RBFOX1: variants seen among roughly 807,000 people sequenced by gnomAD.
RBFOX1 encodes RNA binding protein fox-1 homolog 1.
Under a neutral mutation model 57.7 loss-of-function variants are expected in RBFOX1, and 8 were observed. That is an observed-to-expected ratio of 0.14 (90% CI 0.08 to 0.25). The LOEUF (loss-of-function observed/expected upper bound fraction) is 0.25, where lower values mean the gene tolerates loss of function less well. Ranked by LOEUF, RBFOX1 falls within the 10% of genes least tolerant of loss-of-function variation. The pLI, the probability that RBFOX1 is intolerant of heterozygous loss-of-function variation, is 1.00. For synonymous variants in RBFOX1, 326 were observed against 222.4 expected (o/e 1.47, Z -4.15); for missense variants, 611 against 548.5 (o/e 1.11, Z -1.14).
chr16:7,420,717 A>G (rs2098532656), intron 4 of RBFOX1, among the ~76,000 whole-genome samples: 1 of 151,594 alleles, frequency 6.6e-6, no homozygotes, highest in Non-Finnish European at 1.5e-5. Flanking sequence ...GGGGTCATGT[A>G]CAAATGTATG....
chr16:7,030,483 C>T (rs1263941871), intron 3 of RBFOX1, among the ~76,000 whole-genome samples: 1 of 152,116 alleles, frequency 6.6e-6, no homozygotes, highest in Non-Finnish European at 1.5e-5. Flanking sequence ...TCCTTCCTTC[C>T]TTCTCCCACC....
chr16:6,767,697 C>T (rs986732188), intron 3 of RBFOX1, among the ~76,000 whole-genome samples: 1 of 151,840 alleles, frequency 6.6e-6, no homozygotes, highest in Non-Finnish European at 1.5e-5. Flanking sequence ...GGGCAGATCA[C>T]GAGATCAGGA....
intron 2 of RBFOX1, among the ~76,000 whole-genome samples, chr16:6,421,724 G>A (rs900983885): frequency 2.0e-5 from 3 of 152,070 alleles, no homozygotes; most frequent in Admixed American, 6.6e-5. Flanking sequence ...ACTAATCATC[G>A]TGAAGGGGCT....
At chr16:6,793,051 G>A (rs888678212) in intron 3 of RBFOX1, among the ~76,000 whole-genome samples, 1 of 151,132 alleles carries the variant, frequency 6.6e-6, no homozygotes, top group Admixed American at 6.6e-5. Flanking sequence ...AAATAGAAGC[G>A]ATAATGCTGT....
intron 1 of RBFOX1, among the ~76,000 whole-genome samples, chr16:6,183,861 A>AG (rs2097086792): frequency 6.6e-6 from 1 of 152,176 alleles, no homozygotes. Flanking sequence ...TGAAGGTCAT[A>AG]GTATGGACCT....
chr16:5,953,994 C>T (rs2059573229), intron 4 of RBFOX1, among the ~76,000 whole-genome samples: 1 of 152,122 alleles, frequency 6.6e-6, no homozygotes, highest in East Asian at 1.9e-4. Context: ...TGTCTGGAGA[C>T]ACCTTGGCTT....
intron 4 of RBFOX1, among the ~76,000 whole-genome samples, chr16:7,218,079 CTGTGTG>C (rs146860986): frequency 6.7e-6 from 1 of 149,772 alleles, no homozygotes; most frequent in Non-Finnish European, 1.5e-5. Context: ...GTGTGTGCGT[CTGTGTG>C]TGTGTGTGTG....
chr16:5,664,082 C>T (rs924487184), intron 3 of RBFOX1, among the ~76,000 whole-genome samples: 3 of 152,214 alleles, frequency 2.0e-5, no homozygotes, highest in Admixed American at 1.3e-4. Flanking sequence ...CCACCCTTCT[C>T]GGCAGCTGCC....
chr16:6,462,814 C>T (rs928376704), intron 2 of RBFOX1, among the ~76,000 whole-genome samples: 3 of 151,632 alleles, frequency 2.0e-5, no homozygotes, highest in African/African-American at 4.8e-5. Context: ...ATACACATGG[C>T]ACATTGTTGC....
intron 5 of RBFOX1, among the ~76,000 whole-genome samples, chr16:7,566,092 A>T (rs982054736): frequency 6.6e-6 from 1 of 152,172 alleles, no homozygotes; most frequent in Non-Finnish European, 1.5e-5. Flanking sequence ...TATTCTAGGA[A>T]GCATTTGATA....
At position 7,188,818 on chromosome 16, in the gene RBFOX1, A is replaced by G. The variant is rs1286608017; in HGVS notation, c.27+136720A>G. On this transcript the variant is annotated intron_variant, in intron 4 of 15. Coordinates refer to ENST00000550418, the MANE Select transcript of RBFOX1 (RefSeq NM_018723.4). ...TGCTACGAAGGAACCAAAGAATGAC[A>G]TTGAGTTGGCTGTTAAAAATGCAAA... 5.3e-5 allele frequency among the ~76,000 whole-genome samples: 8 copies of G among 152,204 alleles called. 1 individual carries two copies. The highest frequency in any genetic ancestry group is 1.4e-4 in the African/African-American group (6 of 41,448).
intron 2 of RBFOX1, among the ~76,000 whole-genome samples, chr16:6,542,634 C>G (rs762420209): frequency 4.5e-4 from 69 of 151,770 alleles, no homozygotes; most frequent in Admixed American, 9.2e-4. Flanking sequence ...GGACCACAGG[C>G]GCCCGCCACC....
intron 3 of RBFOX1, among the ~76,000 whole-genome samples, chr16:7,046,686 A>C (rs1166041533): frequency 1.4e-5 from 2 of 140,842 alleles, no homozygotes; most frequent in Non-Finnish European, 3.0e-5. Context: ...GCTCACTGCA[A>C]CCTCCGTCTC....
At chr16:6,260,242 A>G (rs761799651) in intron 1 of RBFOX1, among the ~76,000 whole-genome samples, 2 of 152,170 alleles carry the variant, frequency 1.3e-5, no homozygotes, top group Non-Finnish European at 2.9e-5. Context: ...GCAGAATTAA[A>G]CACGCTTTTC....
intron 1 of RBFOX1, among the ~76,000 whole-genome samples, chr16:6,133,856 C>T (rs2096647186): frequency 1.3e-5 from 2 of 152,096 alleles, no homozygotes; most frequent in South Asian, 4.1e-4. Flanking sequence ...CGTTTGCTTA[C>T]CTAGTCTACT....
intron 3 of RBFOX1, among the ~76,000 whole-genome samples, chr16:6,924,152 G>A (rs571358429): frequency 6.9e-6 from 1 of 145,802 alleles, no homozygotes; most frequent in East Asian, 2.0e-4. Flanking sequence ...CTGGGTGACA[G>A]GAAGACTCTG....
At chr16:5,778,576 G>C (rs1202765994) in intron 3 of RBFOX1, among the ~76,000 whole-genome samples, 1 of 152,178 alleles carries the variant, frequency 6.6e-6, no homozygotes, top group African/African-American at 2.4e-5. Context: ...AACCCCGCGT[G>C]GCCTTGCATG....
Position 7,052,061 on chromosome 16 carries a change from C to T in RBFOX1, c.-11C>T, listed in dbSNP as rs938363934. The T allele has an allele frequency of 6.2e-7, 1 of 1,612,352 alleles. No individual in the cohort carries two copies. Among genetic ancestry groups the T allele is most frequent in the African/African-American group, 1.3e-5 (1 of 74,848 alleles). On this transcript the variant is annotated 5_prime_UTR_variant, in exon 4 of 16. Coordinates refer to ENST00000550418, the MANE Select transcript of RBFOX1 (RefSeq NM_018723.4). ...TTCATTTTCTTTTCTTTCTAGGTTTCAAGACAACAGATGAATTGTGAAAGA... is the reference window on the plus strand; with the variant it reads ...TTCATTTTCTTTTCTTTCTAGGTTTTAAGACAACAGATGAATTGTGAAAGA...
chr16:7,664,036 A>G (rs760864384), intron 12 of RBFOX1, among the ~76,000 whole-genome samples: 4 of 152,308 alleles, frequency 2.6e-5, no homozygotes, highest in Admixed American at 2.0e-4. Flanking sequence ...CTGCTATCAG[A>G]TTGGGCTTGT....
Sources: allele counts gnomAD v4.1 joint callset (sites outside exome capture counted in the v4.1 genomes callset), GRCh38; gene constraint gnomAD v4.1.1; transcripts MANE v1.5; gene names NCBI Gene and HGNC (gene_info 2026-07-23, HGNC 2026-07-21).